The following PPIL6 variants were observed in gnomAD, a reference collection of about 807,000 sequenced individuals.
PPIL6 encodes probable inactive peptidyl-prolyl cis-trans isomerase-like 6.
Under a neutral mutation model 36.8 loss-of-function variants are expected in PPIL6, and 39 were observed. The observed-to-expected ratio is 1.06, with a 90% CI of 0.82 to 1.38. The LOEUF is 1.38. Ranked by LOEUF, PPIL6 falls within the 40% of genes most tolerant of loss-of-function variation. The pLI is 0.00. For missense variants in PPIL6, 368 were observed against 379.1 expected, an observed-to-expected ratio of 0.97 and a Z score of 0.24; for synonymous variants, 123 against 134.1, an observed-to-expected ratio of 0.92 and a Z score of 0.57.
At chr6:109,415,231 C>T (rs112225966) in intron 6 of PPIL6, among the ~76,000 whole-genome samples, 7,749 of 152,230 alleles carry the variant, frequency 0.051, 282 homozygotes, top group South Asian at 0.097. Context: ...GCAATGTTTC[C>T]ATACAGTATC....
intron 2 of PPIL6, among the ~76,000 whole-genome samples, chr6:109,435,692 A>T (rs1055330411): frequency 1.3e-5 from 2 of 152,202 alleles, no homozygotes; most frequent in African/African-American, 2.4e-5. Flanking sequence ...TGGGAGGCCG[A>T]GGTGGGTGGA....
chr6:109,427,714 C>T (rs1773900272), intron 3 of PPIL6, among the ~76,000 whole-genome samples: 1 of 152,156 alleles, frequency 6.6e-6, no homozygotes, highest in African/African-American at 2.4e-5. Context: ...AAAAACCTTT[C>T]CAGAGTGAAA....
chr6:109,433,446 T>G (rs1447261703), intron 2 of PPIL6, among the ~76,000 whole-genome samples: 1 of 152,236 alleles, frequency 6.6e-6, no homozygotes, highest in Non-Finnish European at 1.5e-5. Context: ...AAGGTATGTT[T>G]TATTTGGAGG....
chr6:109,429,554 T>C (rs527391764), intron 3 of PPIL6, among the ~76,000 whole-genome samples: 6 of 152,274 alleles, frequency 3.9e-5, no homozygotes, highest in African/African-American at 1.4e-4. Flanking sequence ...CCTCTCCCCA[T>C]GCTGAGAGCA....
At chr6:109,437,146 G>A (rs569353867) in intron 1 of PPIL6, among the ~76,000 whole-genome samples, 13 of 152,178 alleles carry the variant, frequency 8.5e-5, no homozygotes, top group African/African-American at 2.4e-4. Context: ...AGCAATCCAG[G>A]CTTGGTTCTT....
rs191100139 is a variant in PPIL6 at position 109,426,071 on chromosome 6, G to T, written c.631+776C>A. On this transcript the variant is annotated intron_variant, in intron 5 of 7. Transcript: ENST00000521072. ...AGTGAGGTTAGATAACAATATTTGT[G>T]GTATGATCTCACTGTGGAGAAACCA... Among the ~76,000 whole-genome samples the T allele has an allele frequency of 8.5e-5, 13 of 152,238 alleles. No individual in the cohort carries two copies. In the East Asian group the frequency reaches 2.5e-3, roughly 29 times the overall value.
chr6:109,395,559 C>T (rs917781861), intron 7 of PPIL6, among the ~76,000 whole-genome samples: 9 of 151,362 alleles, frequency 5.9e-5, no homozygotes, highest in Non-Finnish European at 1.2e-4. Context: ...TTCTACTGGA[C>T]AGTGCTGGCC....
intron 6 of PPIL6, among the ~76,000 whole-genome samples, chr6:109,400,951 C>T (rs979172683): frequency 6.6e-6 from 1 of 151,956 alleles, no homozygotes; most frequent in African/African-American, 2.4e-5. Context: ...GCTCCGCCTC[C>T]CGGGTTCACG....
intron 1 of PPIL6, 83 bp from the exon 2 acceptor site, chr6:109,436,282 C>T: frequency 1.2e-6 from 1 of 829,968 alleles, no homozygotes; most frequent in South Asian, 1.5e-5. Flanking sequence ...TACGGGGTTT[C>T]CAGAAGTTTT....
rs563784628 is a variant in PPIL6 at position 109,439,619 on chromosome 6, G to T, written c.135+837C>A. On this transcript the variant is annotated intron_variant, in intron 1 of 7. Transcript: ENST00000521072. ...CCCAAAGTGCTGAGATTATAGGCGT[G>T]AGTCACCGCGCCAAGATATCTTCTA... Among the ~76,000 whole-genome samples, 335 of 152,312 alleles carry T rather than the reference G, an allele frequency of 2.2e-3. 1 individual carries two copies. The highest frequency in any genetic ancestry group is 4.4e-3 in the Admixed American group (67 of 15,294).
chr6:109,415,962 C>T (rs1229869959), intron 6 of PPIL6, among the ~76,000 whole-genome samples: 1 of 152,140 alleles, frequency 6.6e-6, no homozygotes, highest in Non-Finnish European at 1.5e-5. Flanking sequence ...TGGCAAGGTA[C>T]TTCCTAACTT....
chr6:109,418,484 C>G (rs1196255712), intron 6 of PPIL6, among the ~76,000 whole-genome samples: 4 of 151,944 alleles, frequency 2.6e-5, no homozygotes, highest in African/African-American at 7.3e-5. Flanking sequence ...TAGGTAGATA[C>G]CTTGTCACCT....
chr6:109,437,110 G>T (rs555205224), intron 1 of PPIL6, among the ~76,000 whole-genome samples: 1 of 152,362 alleles, frequency 6.6e-6, no homozygotes, highest in South Asian at 2.1e-4. Context: ...ATTGTCTGCA[G>T]GAATCAGAGA....
rs556921640 is a variant in PPIL6, at chr6:109,401,794, G to A, written c.689-1624C>T. Among the ~76,000 whole-genome samples, 7 of 123,136 alleles carry A rather than the reference G, an allele frequency of 5.7e-5. No homozygotes were observed. The South Asian group carries it at 8.2e-4, about 14-fold the overall frequency. The allele number at this position is 123,136 out of a possible 152,430, so 80.8% of individuals were successfully genotyped here. A position where few individuals can be genotyped will look rare whatever the true frequency, so the allele number is the denominator to read the frequency against. ...GGCTGGAGTGCAGTGGCGCGGTCTT[G>A]GTTCACTGCAAGCTGCGCCTCGGGT... is the stretch of plus-strand genomic sequence containing the variant. On this transcript the variant is annotated intron_variant, in intron 6 of 7. Coordinates refer to ENST00000521072, the MANE Select transcript of PPIL6 (RefSeq NM_173672.5).
intron 6 of PPIL6, among the ~76,000 whole-genome samples, chr6:109,410,456 T>G (rs1046288518): frequency 2.0e-5 from 3 of 152,142 alleles, no homozygotes; most frequent in Admixed American, 1.3e-4. Flanking sequence ...ATTCCCAGGA[T>G]AGAGAGTTCT....
rs9487107 is a variant in PPIL6, at chr6:109,436,208, C to T, written c.136-9G>A. On this transcript the variant is annotated splice_polypyrimidine_tract_variant and intron_variant, in intron 1 of 7. Coordinates refer to ENST00000521072, the MANE Select transcript of PPIL6 (RefSeq NM_173672.5). The stretch of plus-strand genomic sequence containing the variant: ...TGATTATTCTTCAGATTCTGGATTT[C>T]GAAATAGAATAATTATTTTAGAGTT... 4.9e-3 allele frequency: 6,944 copies of T among 1,407,144 alleles called. 89 individuals carry two copies. The highest frequency in any genetic ancestry group is 0.04 in the African/African-American group (2,800 of 70,706). The allele number at this position is 1,407,144 out of a possible 1,614,324, so 87.2% of individuals were successfully genotyped here.
chr6:109,419,307 A>G (rs962976792), intron 5 of PPIL6, 64 bp from the exon 6 acceptor site: 1 of 1,135,272 alleles, frequency 8.8e-7, no homozygotes, highest in Non-Finnish European at 1.3e-6. Flanking sequence ...TACAATAATG[A>G]CAGGGAAAAA....
At chr6:109,432,652 A>G (rs1774219593) in intron 2 of PPIL6, among the ~76,000 whole-genome samples, 1 of 151,980 alleles carries the variant, frequency 6.6e-6, no homozygotes, top group African/African-American at 2.4e-5. Flanking sequence ...TTTGGAGATG[A>G]GGTCTCACTA....
At position 109,392,843 on chromosome 6, in the gene PPIL6, C is replaced by T. The variant is rs1582512088; in HGVS notation, c.919G>A (p.Gly307Arg). Residue 307 changes from glycine (G) to arginine (R), a missense_variant, in exon 8 of 8, where the codon GGA (glycine) becomes AGA (arginine). Coordinates refer to ENST00000521072, the MANE Select transcript of PPIL6 (RefSeq NM_173672.5). ...TATGAAAATCAAGCATAAGGATCTC[C>T]ACTGTCAGTAATTCTACACATATGT... ...PIHMCRITDSGDPYA is the reference protein window; with the variant it reads ...PIHMCRITDSRDPYA 19 of 1,562,224 alleles carry T rather than the reference C, an allele frequency of 1.2e-5. 1 individual carries two copies. In the East Asian group the frequency reaches 4.3e-4, roughly 35 times the overall value.
Sources: gnomAD v4.1 joint callset for allele counts (sites outside exome capture counted in the v4.1 genomes callset) on GRCh38, gnomAD v4.1.1 for gene constraint, MANE v1.5 for transcripts, NCBI Gene and HGNC (gene_info 2026-07-23, HGNC 2026-07-21) for gene names.